The following COL4A2 variants were observed in gnomAD, a reference collection of about 807,000 sequenced individuals.
The protein encoded by COL4A2 is collagen alpha-2(IV) chain.
COL4A2 carries 99 observed loss-of-function variants against 200.2 expected under a neutral mutation model. That is an observed-to-expected ratio of 0.49 (90% CI 0.42 to 0.58). The LOEUF is 0.58. COL4A2 is among the 20% of genes least tolerant of loss of function. The probability of loss-of-function intolerance (pLI) is 0.00; values close to 1 mark genes in which losing one functional copy is unlikely to be tolerated. For synonymous variants in COL4A2, 897 were observed against 900.6 expected (o/e 1.00, Z 0.07); for missense variants, 1,950 against 2,314.1 (o/e 0.84, Z 3.23).
intron 4 of COL4A2, among the ~76,000 whole-genome samples, chr13:110,421,682 G>A (rs770394492): frequency 1.4e-4 from 21 of 152,208 alleles, no homozygotes; most frequent in Admixed American, 9.2e-4. Flanking sequence ...GAAAGGCACC[G>A]AGTTGTATCC....
At chr13:110,502,809 G>T in intron 41 of COL4A2, 1 of 291,436 alleles carries the variant, frequency 3.4e-6, no homozygotes, top group East Asian at 1.0e-4. Context: ...GCTGAGGGTT[G>T]GGGGGAGAGG....
chr13:110,313,047 A>G (rs1885029537), intron 3 of COL4A2, among the ~76,000 whole-genome samples: 2 of 152,300 alleles, frequency 1.3e-5, no homozygotes, highest in East Asian at 1.9e-4. Flanking sequence ...AAGCTCCAGA[A>G]TAGAATCTAT....
At chr13:110,428,670 A>G (rs1404451108) in intron 7 of COL4A2, 87 bp downstream of exon 7, 6 of 691,130 alleles carry the variant, frequency 8.7e-6, no homozygotes, top group Non-Finnish European at 1.4e-5. Flanking sequence ...CCTCCCGCTC[A>G]CTGTGGCCAG....
At chr13:110,424,582 A>G (rs889728991) in intron 4 of COL4A2, 152 bp from the exon 5 acceptor site, 1 of 489,968 alleles carries the variant, frequency 2.0e-6, no homozygotes. Flanking sequence ...GTTAGCTATC[A>G]TGGCAGTAGA....
intron 4 of COL4A2, among the ~76,000 whole-genome samples, chr13:110,393,688 G>T (rs1316137900): frequency 1.3e-5 from 2 of 151,908 alleles, no homozygotes; most frequent in East Asian, 3.9e-4. Context: ...AGACCAACCT[G>T]GCCAACATGG....
At chr13:110,444,228 G>T (rs1412068497) in intron 16 of COL4A2, among the ~76,000 whole-genome samples, 1 of 152,238 alleles carries the variant, frequency 6.6e-6, no homozygotes, top group African/African-American at 2.4e-5. Context: ...ATGGCAACAC[G>T]TGGTGTCTGG....
At chr13:110,398,864 A>T (rs1879274274) in intron 4 of COL4A2, among the ~76,000 whole-genome samples, 1 of 151,980 alleles carries the variant, frequency 6.6e-6, no homozygotes, top group African/African-American at 2.4e-5. Flanking sequence ...TTTTTTTTTA[A>T]CAATTTTTTT....
At chr13:110,319,220 C>T (rs1003316452) in intron 3 of COL4A2, among the ~76,000 whole-genome samples, 9 of 152,000 alleles carry the variant, frequency 5.9e-5, no homozygotes, top group African/African-American at 2.2e-4. Flanking sequence ...GGTGGAGATG[C>T]GCCTTCCTGA....
intron 11 of COL4A2, 59 bp downstream of exon 11, chr13:110,432,419 T>G: frequency 1.3e-6 from 2 of 1,539,308 alleles, no homozygotes; most frequent in Non-Finnish European, 1.7e-6. Context: ...TTTGTGGGTT[T>G]GTTTGTTTTT....
At chr13:110,320,523 A>G (rs1885249036) in intron 3 of COL4A2, among the ~76,000 whole-genome samples, 1 of 152,240 alleles carries the variant, frequency 6.6e-6, no homozygotes, top group Non-Finnish European at 1.5e-5. Flanking sequence ...CTTAAGAAGT[A>G]AAAGCAATTA....
In COL4A2 at chr13:110,307,895, A is replaced by G. The variant is rs1594135353; in HGVS notation, c.-9A>G. 2 of 1,611,966 alleles carry G rather than the reference A, an allele frequency of 1.2e-6. No homozygotes were observed. The highest frequency in any genetic ancestry group is 3.3e-5 in the Admixed American group (2 of 59,912). ...ACTGACCGGGGCCCAGAGTGGACGAACCGCCAGCATGGGGAGAGACCAGCG... is the reference window on the plus strand; with the variant it reads ...ACTGACCGGGGCCCAGAGTGGACGAGCCGCCAGCATGGGGAGAGACCAGCG... On this transcript the variant is annotated 5_prime_UTR_variant, in exon 2 of 48. Coordinates refer to ENST00000360467, the MANE Select transcript of COL4A2 (RefSeq NM_001846.4). The surrounding 1 kb of genome is among the most constrained non-coding windows in gnomAD (Gnocchi z 5.0).
intron 3 of COL4A2, among the ~76,000 whole-genome samples, chr13:110,336,006 G>A (rs963670151): frequency 3.3e-5 from 5 of 152,172 alleles, no homozygotes; most frequent in African/African-American, 1.2e-4. Flanking sequence ...TCCTGTGGAT[G>A]GCCACTTCAT....
intron 15 of COL4A2, 86 bp downstream of exon 15, chr13:110,438,754 A>G: frequency 6.4e-7 from 1 of 1,561,886 alleles, no homozygotes; most frequent in Non-Finnish European, 8.8e-7. Context: ...TTTCAGATTC[A>G]CAGCAAAATT....
At chr13:110,469,169 T>C (rs1329215269) in intron 27 of COL4A2, 48 bp from the exon 28 acceptor site, 1 of 1,550,288 alleles carries the variant, frequency 6.5e-7, no homozygotes, top group Non-Finnish European at 8.7e-7. Flanking sequence ...CCATGCCCAT[T>C]TATCCTCGTG....
chr13:110,508,482 A>C lies in COL4A2; in HGVS notation c.4881+261A>C, dbSNP rs1200835832. Among the ~76,000 whole-genome samples, 2 of 152,204 alleles carry C rather than the reference A, an allele frequency of 1.3e-5. No individual in the cohort carries two copies. Among genetic ancestry groups the C allele is most frequent in the African/African-American group, 4.8e-5 (2 of 41,438 alleles). ...CTTTGTAAGGAGTGTAACCAGGACG[A>C]ACTTGCCTGTTATCCGTCTTACTAG... On this transcript the variant is annotated intron_variant, in intron 47 of 47. Transcript: ENST00000360467. The surrounding 1 kb of genome is among the most constrained non-coding windows in gnomAD (Gnocchi z 6.1).
chr13:110,314,324 G>C, intron 3 of COL4A2, among the ~76,000 whole-genome samples: 1 of 152,254 alleles, frequency 6.6e-6, no homozygotes, highest in African/African-American at 2.4e-5. Context: ...GCATGGGTCA[G>C]ATGGACAAGT....
chr13:110,428,843 A>T (rs954684837), intron 7 of COL4A2, among the ~76,000 whole-genome samples: 2 of 152,214 alleles, frequency 1.3e-5, no homozygotes, highest in African/African-American at 4.8e-5. Context: ...CCAAATTCTC[A>T]TGCGTAATAG....
intron 4 of COL4A2, among the ~76,000 whole-genome samples, chr13:110,370,729 C>A (rs1263748895): frequency 6.6e-6 from 1 of 152,188 alleles, no homozygotes; most frequent in Non-Finnish European, 1.5e-5. Context: ...TGAAGGTGTT[C>A]TTCTGCCCTT....
At chr13:110,412,039 G>A (rs1441923248) in intron 4 of COL4A2, among the ~76,000 whole-genome samples, 1 of 152,188 alleles carries the variant, frequency 6.6e-6, no homozygotes, top group Non-Finnish European at 1.5e-5. Context: ...TCCCAACCAG[G>A]GGTCAAAGCT....
Sources: gnomAD v4.1 joint callset for allele counts (sites outside exome capture counted in the v4.1 genomes callset) on GRCh38, gnomAD v4.1.1 for gene constraint, Gnocchi (gnomAD v3.1) non-coding constraint, MANE v1.5 for transcripts, NCBI Gene and HGNC (gene_info 2026-07-23, HGNC 2026-07-21) for gene names.